Variants in MARCHF7 observed in about 807,000 individuals in gnomAD.
MARCHF7 encodes membrane associated ring-CH-type finger 7, also known as E3 ubiquitin-protein ligase MARCHF7.
MARCHF7 carries 20 observed loss-of-function variants against 76.5 expected under a neutral mutation model. That is an observed-to-expected ratio of 0.26 (90% CI 0.18 to 0.38). MARCHF7 has a LOEUF of 0.38. Ranked by LOEUF, MARCHF7 falls within the 10% of genes least tolerant of loss-of-function variation. MARCHF7 has a pLI of 1.00. For missense variants in MARCHF7, 797 were observed against 812.9 expected, an observed-to-expected ratio of 0.98 and a Z score of 0.24; for synonymous variants, 295 against 293.0, an observed-to-expected ratio of 1.01 and a Z score of -0.07.
intron 5 of MARCHF7, among the ~76,000 whole-genome samples, chr2:159,745,217 A>G (rs1704704300): frequency 6.6e-6 from 1 of 152,208 alleles, no homozygotes; most frequent in South Asian, 2.1e-4. Flanking sequence ...GACATTGTGT[A>G]TGGGGTAGAT....
chr2:159,751,088 T>C (rs967001167), intron 7 of MARCHF7, among the ~76,000 whole-genome samples: 1 of 152,238 alleles, frequency 6.6e-6, no homozygotes, highest in South Asian at 2.1e-4. Flanking sequence ...TTTGCTTTAA[T>C]GTTTGCTTGT....
At position 159,748,895 on chromosome 2, in the gene MARCHF7, A is replaced by G. The variant is rs773564435; in HGVS notation, c.1605A>G (p.Ile535Met). 2 of 1,599,034 alleles carry G rather than the reference A, an allele frequency of 1.3e-6. No homozygotes were observed. The highest frequency in any genetic ancestry group is 1.7e-6 in the Non-Finnish European group (2 of 1,173,690). ...GAGATCCAGAAAGATTGCAGAAAAT[A>G]AAAGAGAGGTAAATTCGAATACCTG... ...PSRDPERLQK[I>M]KESLLLEDSE... The change falls in exon 7 of 12, where the codon ATA becomes ATG. Residue 535 changes from isoleucine (I) to methionine (M), a missense_variant. Physicochemically the swap from Ile to Met is conservative, Grantham distance 10. Transcript: ENST00000409175.
In MARCHF7 at chr2:159,744,188, C is replaced by T. The variant is rs577912359; in HGVS notation, c.346+935C>T. Among the ~76,000 whole-genome samples, 11 of 151,554 alleles carry T rather than the reference C, an allele frequency of 7.3e-5. No homozygotes were observed. The South Asian group carries it at 2.1e-3, about 29-fold the overall frequency. ...ATTTTTAGTAGAGACGGGGTTTCAC[C>T]GTTTTTAGCCGGGATGGTCTCGATC... On this transcript the variant is annotated intron_variant, in intron 5 of 11. Coordinates refer to ENST00000409175, the MANE Select transcript of MARCHF7 (RefSeq NM_001282805.2).
At chr2:159,724,746 A>T (rs1701978192) in intron 3 of MARCHF7, among the ~76,000 whole-genome samples, 1 of 152,114 alleles carries the variant, frequency 6.6e-6, no homozygotes, top group African/African-American at 2.4e-5. Context: ...GATTTGTTAC[A>T]TATGTATACA....
At chr2:159,744,557 G>C (rs1241682834) in intron 5 of MARCHF7, among the ~76,000 whole-genome samples, 1 of 152,220 alleles carries the variant, frequency 6.6e-6, no homozygotes. Context: ...AACTTGTGGT[G>C]ACACAATTGG....
At chr2:159,745,380 G>T (rs1704726624) in intron 5 of MARCHF7, among the ~76,000 whole-genome samples, 1 of 152,170 alleles carries the variant, frequency 6.6e-6, no homozygotes, top group Non-Finnish European at 1.5e-5. Context: ...GTAAGGCCGG[G>T]TGCGGTGGCT....
chr2:159,737,141 A>G (rs1703552580), intron 4 of MARCHF7, among the ~76,000 whole-genome samples: 1 of 152,218 alleles, frequency 6.6e-6, no homozygotes, highest in Non-Finnish European at 1.5e-5. Context: ...ACGAGTGCTC[A>G]TAGTCGGGAG....
At chr2:159,748,940 A>T in intron 7 of MARCHF7, 37 bp downstream of exon 7, 2 of 1,496,482 alleles carry the variant, frequency 1.3e-6, no homozygotes, top group Non-Finnish European at 1.8e-6. Context: ...TATAAATCAA[A>T]AATAGAGAAA....
intron 2 of MARCHF7, 106 bp from the exon 3 acceptor site, chr2:159,715,575 A>T (rs1252077491): frequency 6.6e-6 from 1 of 152,088 alleles, no homozygotes. Context: ...CCAACTCCTT[A>T]GCTCAAGGAA....
chr2:159,747,818 A>G lies in MARCHF7; in HGVS notation c.528A>G (p.Arg176=), dbSNP rs1705090732. ...DFTTSSYVQD[R]VPSYSQGARP... ...TTTCAAAAATAGATGTTCAAGACAG[A>G]GTTCCTTCATATTCACAAGGAGCAA... is the stretch of plus-strand genomic sequence containing the variant. The change falls in exon 7 of 12, where the codon AGA becomes AGG. Residue 176 remains arginine, a synonymous_variant. Coordinates refer to ENST00000409175, the MANE Select transcript of MARCHF7 (RefSeq NM_001282805.2). 6.3e-7 allele frequency: 1 copy of G among 1,579,852 alleles called. No homozygotes were observed. Among genetic ancestry groups the G allele is most frequent in the Admixed American group, 2.0e-5 (1 of 50,344 alleles).
chr2:159,725,085 A>G (rs1702017469), intron 3 of MARCHF7, among the ~76,000 whole-genome samples: 1 of 152,170 alleles, frequency 6.6e-6, no homozygotes, highest in Admixed American at 6.5e-5. Flanking sequence ...TCTATCATTG[A>G]TGGGCATTTG....
intron 3 of MARCHF7, among the ~76,000 whole-genome samples, chr2:159,723,353 C>T (rs1244518975): frequency 6.6e-6 from 1 of 152,184 alleles, no homozygotes; most frequent in Non-Finnish European, 1.5e-5. Flanking sequence ...TTTTAAGAGA[C>T]AGCGTAGGTA....
At chr2:159,752,928 T>TG (rs1443446907) in intron 8 of MARCHF7, among the ~76,000 whole-genome samples, 1 of 152,220 alleles carries the variant, frequency 6.6e-6, no homozygotes, top group Non-Finnish European at 1.5e-5. Context: ...ATGTTGCTGT[T>TG]GTGTCACTTG....
At chr2:159,724,378 A>G (rs896244393) in intron 3 of MARCHF7, among the ~76,000 whole-genome samples, 1 of 151,996 alleles carries the variant, frequency 6.6e-6, no homozygotes, top group South Asian at 2.1e-4. Flanking sequence ...TGATGCTCTT[A>G]TGTAGTCTTG....
In MARCHF7 at chr2:159,748,848, A is replaced by G; in HGVS notation, c.1558A>G (p.Lys520Glu). 6.2e-7 allele frequency: 1 copy of G among 1,613,794 alleles called. No homozygotes were observed. Among genetic ancestry groups the G allele is most frequent in the African/African-American group, 1.3e-5 (1 of 75,064 alleles). ...GAATTCAGCTGATGGTAAAAGTGAT[A>G]AAACTAAAAGTGCGCCTTCAAGAGA... The part of the protein sequence containing the change: ...GWNSADGKSD[K>E]TKSAPSRDPE... Residue 520 changes from lysine (K) to glutamate (E), a missense_variant, in exon 7 of 12, where the codon AAA (lysine) becomes GAA (glutamate). Transcript: ENST00000409175.
intron 11 of MARCHF7, among the ~76,000 whole-genome samples, chr2:159,766,109 G>GA (rs1413987442): frequency 1.3e-5 from 2 of 152,118 alleles, no homozygotes; most frequent in African/African-American, 4.8e-5. Flanking sequence ...AAATAAGCAT[G>GA]AAAGACAAGG....
chr2:159,759,183 A>G, intron 8 of MARCHF7, 43 bp from the exon 9 acceptor site: 1 of 1,024,804 alleles, frequency 9.8e-7, no homozygotes, highest in Non-Finnish European at 1.5e-6. Context: ...TTTTATGAAG[A>G]CATTATAAAA....
Position 159,770,821 on chromosome 2 carries a change from A to G in MARCHF7, c.*3479A>G, listed in dbSNP as rs773970148. On this transcript the variant is annotated 3_prime_UTR_variant, in exon 12 of 12. Transcript: ENST00000409175. ...GATTTTCACACAAGATTCCCTAACT[A>G]TGCATTTCTTAGAACGTATCCCCAT... 2 of 152,168 alleles carry G rather than the reference A, an allele frequency of 1.3e-5. No individual in the cohort carries two copies. Among genetic ancestry groups the G allele is most frequent in the Non-Finnish European group, 2.9e-5 (2 of 68,016 alleles). The allele number at this position is 152,168 out of a possible 1,614,324, so 9.4% of individuals were successfully genotyped here.
chr2:159,743,700 G>T (rs1457614475), intron 5 of MARCHF7, among the ~76,000 whole-genome samples: 1 of 150,518 alleles, frequency 6.6e-6, no homozygotes, highest in Admixed American at 6.7e-5. Flanking sequence ...AGGAGTTTAA[G>T]GCCAGCCTAG....
Sources: gnomAD v4.1 joint callset for allele counts (sites outside exome capture counted in the v4.1 genomes callset) on GRCh38, gnomAD v4.1.1 for gene constraint, MANE v1.5 for transcripts, NCBI Gene and HGNC (gene_info 2026-07-23, HGNC 2026-07-21) for gene names.